Variants in SGCD observed in about 807,000 individuals in gnomAD.
SGCD encodes the protein delta-sarcoglycan.
A neutral mutation model predicts 36.6 loss-of-function variants in SGCD; 18 were observed. The observed-to-expected ratio is 0.49, with a 90% confidence interval of 0.34 to 0.73. SGCD has a LOEUF of 0.73. Ranked by LOEUF, SGCD falls within the 30% of genes least tolerant of loss-of-function variation. The pLI, the probability that SGCD is intolerant of heterozygous loss-of-function variation, is 0.01. For synonymous variants in SGCD, 133 were observed against 130.6 expected (o/e 1.02, Z -0.12); for missense variants, 387 against 346.7 (o/e 1.12, Z -0.92).
At chr5:156,565,920 G>T (rs186460155) in intron 4 of SGCD, among the ~76,000 whole-genome samples, 2 of 152,208 alleles carry the variant, frequency 1.3e-5, no homozygotes, top group Non-Finnish European at 2.9e-5. Context: ...TGTATTATGT[G>T]CCACATTTTC....
intron 1 of SGCD, among the ~76,000 whole-genome samples, chr5:155,915,535 A>G (rs1169882315): frequency 6.6e-6 from 1 of 152,180 alleles, no homozygotes; most frequent in Non-Finnish European, 1.5e-5. Flanking sequence ...AAAATTAATC[A>G]ATGTTTAATT....
chr5:156,367,311 A>G lies in SGCD; in HGVS notation c.192+22634A>G, dbSNP rs543208228. 2.6e-5 allele frequency among the ~76,000 whole-genome samples: 4 copies of G among 152,350 alleles called. 1 individual carries two copies. The highest frequency in any genetic ancestry group is 9.6e-5 in the African/African-American group (4 of 41,586). Reference sequence around the variant, plus strand: ...TTCTGCAAAATGATGTGTATTATGTAGGAGCAATTTAAAAACTAACTTTTC... The same window carrying G: ...TTCTGCAAAATGATGTGTATTATGTGGGAGCAATTTAAAAACTAACTTTTC... On this transcript the variant is annotated intron_variant, in intron 3 of 8. Coordinates refer to ENST00000337851, the MANE Select transcript of SGCD (RefSeq NM_000337.6).
chr5:156,111,177 A>G (rs1286827349), intron 1 of SGCD, among the ~76,000 whole-genome samples: 1 of 152,088 alleles, frequency 6.6e-6, no homozygotes, highest in African/African-American at 2.4e-5. Flanking sequence ...TCTTTTGGAG[A>G]GCTTGTGGGT....
intron 2 of SGCD, among the ~76,000 whole-genome samples, chr5:156,341,126 A>C (rs1306879415): frequency 6.6e-6 from 1 of 152,150 alleles, no homozygotes; most frequent in Non-Finnish European, 1.5e-5. Context: ...AAAAGATCCA[A>C]GTTATAATTC....
At chr5:156,712,843 A>G (rs1235445976) in intron 7 of SGCD, among the ~76,000 whole-genome samples, 4 of 152,082 alleles carry the variant, frequency 2.6e-5, no homozygotes, top group Non-Finnish European at 4.4e-5. Flanking sequence ...CTATCAATCA[A>G]TCACCTCACT....
intron 6 of SGCD, among the ~76,000 whole-genome samples, chr5:156,612,918 G>T (rs539164132): frequency 2.2e-4 from 34 of 152,292 alleles, no homozygotes; most frequent in African/African-American, 7.2e-4. Flanking sequence ...TATAAAGACT[G>T]CAGAACTCTC....
chr5:155,861,185 C>G, the SGCD span, among the ~76,000 whole-genome samples: 1 of 152,090 alleles, frequency 6.6e-6, no homozygotes, highest in African/African-American at 2.4e-5. Context: ...TGGGGGAAAA[C>G]TTAAGTAATT....
chr5:156,076,434 G>A (rs1043235664), intron 1 of SGCD, among the ~76,000 whole-genome samples: 1 of 151,980 alleles, frequency 6.6e-6, no homozygotes, highest in African/African-American at 2.4e-5. Context: ...ACCTTGTTCA[G>A]TTCAAAATTA....
intron 3 of SGCD, among the ~76,000 whole-genome samples, chr5:156,129,772 A>C (rs111846359): frequency 1.1e-4 from 16 of 152,324 alleles, no homozygotes; most frequent in African/African-American, 3.6e-4. Flanking sequence ...TGGTTTGCTT[A>C]GGATGATAGT....
intron 3 of SGCD, among the ~76,000 whole-genome samples, chr5:156,401,896 C>T (rs1435612995): frequency 2.0e-5 from 3 of 152,126 alleles, no homozygotes; most frequent in Non-Finnish European, 2.9e-5. Context: ...TTTTCATCAT[C>T]TCAAGCTGAA....
At chr5:155,896,627 C>CAG (rs377670649) in intron 1 of SGCD, among the ~76,000 whole-genome samples, 1 of 147,968 alleles carries the variant, frequency 6.8e-6, no homozygotes, top group Non-Finnish European at 1.5e-5. Context: ...GCCTGGGTGA[C>CAG]AGAGAGAGAC....
chr5:156,727,252 G>A (rs182641448), intron 7 of SGCD, among the ~76,000 whole-genome samples: 157 of 152,318 alleles, frequency 1.0e-3, no homozygotes, highest in African/African-American at 3.7e-3. Context: ...GATTCTTGCA[G>A]AGAAAGACCA....
At chr5:156,718,499 G>C (rs1457799171) in intron 7 of SGCD, among the ~76,000 whole-genome samples, 2 of 152,018 alleles carry the variant, frequency 1.3e-5, no homozygotes, top group African/African-American at 4.8e-5. Context: ...GGGATAATAG[G>C]CCAGGCTCAG....
At chr5:156,248,524 A>T (rs1317919029) in intron 3 of SGCD, among the ~76,000 whole-genome samples, 1 of 152,144 alleles carries the variant, frequency 6.6e-6, no homozygotes, top group Non-Finnish European at 1.5e-5. Context: ...TCTAAAAAAA[A>T]CACAAACAAA....
rs895084792 is a variant in SGCD at position 156,110,466 on chromosome 5, T to C, written c.-281-7412T>C. Among the ~76,000 whole-genome samples the C allele has an allele frequency of 3.3e-5, 5 of 152,256 alleles. No individual in the cohort carries two copies. The East Asian group carries it at 9.7e-4, about 29-fold the overall frequency. ...TTCTTCCAAAATTAGAAACCTATTT[T>C]TCACTCACCTATAATTTTCTTTCCT... On this transcript the variant is annotated intron_variant, in intron 1 of 9. Transcript: ENST00000517913.
At chr5:155,948,017 C>T (rs1432564549) in intron 1 of SGCD, among the ~76,000 whole-genome samples, 2 of 152,154 alleles carry the variant, frequency 1.3e-5, no homozygotes, top group Admixed American at 1.3e-4. Flanking sequence ...TGGCTCACTC[C>T]TGTAATCCCA....
chr5:155,785,487 G>A, the SGCD span, among the ~76,000 whole-genome samples: 1 of 152,018 alleles, frequency 6.6e-6, no homozygotes, highest in East Asian at 1.9e-4. Context: ...TAGTCACCAT[G>A]CCGTGTAATA....
intron 6 of SGCD, among the ~76,000 whole-genome samples, chr5:156,632,370 C>A (rs1762670898): frequency 6.6e-6 from 1 of 152,140 alleles, no homozygotes; most frequent in Admixed American, 6.5e-5. Flanking sequence ...CGAAGGAAAG[C>A]TAAAGGATGT....
rs556174429 is a variant in SGCD, at chr5:156,482,011, C to G, written c.193-26590C>G. 1.2e-4 allele frequency among the ~76,000 whole-genome samples: 19 copies of G among 152,296 alleles called. No homozygotes were observed. The South Asian group carries it at 3.1e-3, about 25-fold the overall frequency. On this transcript the variant is annotated intron_variant, in intron 3 of 8. Transcript: ENST00000337851. The stretch of plus-strand genomic sequence containing the variant: ...GACCAGGCAGTCTGGTCCCAGTCCC[C>G]TCAAACAGAAACTTGCTCCTTTCCC...
Sources: allele counts gnomAD v4.1 joint callset (sites outside exome capture counted in the v4.1 genomes callset), GRCh38; gene constraint gnomAD v4.1.1; transcripts MANE v1.5; gene names NCBI Gene and HGNC (gene_info 2026-07-23, HGNC 2026-07-21).